Variants in CARMIL1 observed in about 807,000 individuals in gnomAD.
CARMIL1 encodes capping protein regulator and myosin 1 linker 1, also known as F-actin-uncapping protein LRRC16A.
Under a neutral mutation model 177.1 loss-of-function variants are expected in CARMIL1, and 90 were observed. That is an observed-to-expected ratio of 0.51 (90% CI 0.43 to 0.61). The LOEUF (loss-of-function observed/expected upper bound fraction) is 0.61. CARMIL1 is among the 20% of genes least tolerant of loss of function. CARMIL1 has a pLI of 0.00. For synonymous variants in CARMIL1, 577 were observed against 606.2 expected (o/e 0.95, Z 0.71); for missense variants, 1,380 against 1,667.0 (o/e 0.83, Z 3.00).
In CARMIL1 at chr6:25,545,370, C is replaced by T. The variant is rs1201148625; in HGVS notation, c.2328+5292C>T. On this transcript the variant is annotated intron_variant, in intron 26 of 36. Coordinates refer to ENST00000329474, the MANE Select transcript of CARMIL1 (RefSeq NM_017640.6). ...GGTCCGTGAATAATGACAAATGGTC[C>T]AGTTTTCCAGAAATATGTAAGAATT... Among the ~76,000 whole-genome samples the T allele has an allele frequency of 2.0e-5, 3 of 151,952 alleles. No individual in the cohort carries two copies. The East Asian group carries it at 5.8e-4, about 29-fold the overall frequency.
At position 25,515,839 on chromosome 6, in the gene CARMIL1, T is replaced by A. The variant is rs752317747; in HGVS notation, c.1797T>A (p.Thr599=). The A allele has an allele frequency of 1.9e-6, 3 of 1,601,822 alleles. No homozygotes were observed. In the South Asian group the frequency reaches 3.4e-5, roughly 18 times the overall value. ...TGGCCAAAGCACTGCAGATCAACAC[T>A]AAGCTCAGGTAGGCAGATCCCACCC... ...KMLAKALQIN[T]KLRTVIWDKN... Residue 599 remains threonine, a synonymous_variant, in exon 21 of 37, where the codon ACT becomes ACA. Coordinates refer to ENST00000329474, the MANE Select transcript of CARMIL1 (RefSeq NM_017640.6). The surrounding 1 kb of genome is among the most constrained non-coding windows in gnomAD (Gnocchi z 5.0).
Position 25,279,720 on chromosome 6 carries a change from TGAG to T in CARMIL1, c.-72_-70del, listed in dbSNP as rs1780918412. The T allele has an allele frequency of 4.9e-6, 7 of 1,414,872 alleles. No individual in the cohort carries two copies. The highest frequency in any genetic ancestry group is 7.0e-6 in the Non-Finnish European group (7 of 998,698). The allele number at this position is 1,414,872 out of a possible 1,614,324, so 87.6% of individuals were successfully genotyped here. ...GCTGCATCTGCCTCTCTAAAAAAAT[TGAG>T]GAGTTCGGGGAAGGGCAGGGGGCCA... On this transcript the variant is annotated 5_prime_UTR_variant, in exon 1 of 37. Coordinates refer to ENST00000329474, the MANE Select transcript of CARMIL1 (RefSeq NM_017640.6).
intron 25 of CARMIL1, 69 bp from the exon 26 acceptor site, chr6:25,539,878 C>A: frequency 8.2e-7 from 1 of 1,221,452 alleles, no homozygotes; most frequent in Non-Finnish European, 1.1e-6. Flanking sequence ...CCTTCTCATT[C>A]ACTCTGCAAT....
intron 35 of CARMIL1, among the ~76,000 whole-genome samples, chr6:25,608,535 A>G (rs1170929479): frequency 6.6e-6 from 1 of 152,196 alleles, no homozygotes; most frequent in Admixed American, 6.5e-5. Flanking sequence ...AATTCCCAAT[A>G]TTCTGTTGCA....
chr6:25,459,265 T>TCCTTCCTTCCTTCCTTCCTTCCTTC (rs1491294718), intron 8 of CARMIL1, among the ~76,000 whole-genome samples: 1 of 115,294 alleles, frequency 8.7e-6, no homozygotes, highest in African/African-American at 3.2e-5. Flanking sequence ...TTTCTTTCTT[T>TCCTTCCTTCCTTCCTTCCTTCCTTC]CTTTTTTTTT....
chr6:25,334,085 A>G lies in CARMIL1; in HGVS notation c.138+49176A>G, dbSNP rs58048778. On this transcript the variant is annotated intron_variant, in intron 2 of 36. Transcript: ENST00000329474. ...ATTCTTTCTTCAAAGACTCAGTTCA[A>G]CACACCCCTGGTGGCTGTTGTAGCT... Among the ~76,000 whole-genome samples the G allele has an allele frequency of 3.1e-3, 479 of 152,286 alleles. 13 individuals carry two copies. The East Asian group carries it at 0.074, about 24-fold the overall frequency.
Position 25,279,602 on chromosome 6 carries a change from T to G in CARMIL1, c.-194T>G. ...GCAGCAGCAGCAAATCCGCCTCGCA[T>G]TTGCAACTCTTTTTTTTTTTTTTGG... On this transcript the variant is annotated 5_prime_UTR_variant, in exon 1 of 37. Transcript: ENST00000329474. 1 of 605,348 alleles carries G rather than the reference T, an allele frequency of 1.7e-6. No individual in the cohort carries two copies. Among genetic ancestry groups the G allele is most frequent in the Non-Finnish European group, 2.9e-6 (1 of 340,180 alleles). 37.5% of individuals were successfully genotyped at this position (605,348 alleles called of 1,614,324 possible).
chr6:25,510,619 A>T lies in CARMIL1; in HGVS notation c.1577+13A>T. On this transcript the variant is annotated intron_variant, in intron 19 of 36. Transcript: ENST00000329474. Reference sequence around the variant, plus strand: ...ATATGAAATCCAAGTAAGAGTTTTGAATTTTTTTATATGACAATGATGAAA... The same window carrying T: ...ATATGAAATCCAAGTAAGAGTTTTGTATTTTTTTATATGACAATGATGAAA... 6.5e-7 allele frequency: 1 copy of T among 1,530,460 alleles called. No individual in the cohort carries two copies. Among genetic ancestry groups the T allele is most frequent in the Non-Finnish European group, 8.9e-7 (1 of 1,129,692 alleles). The allele number at this position is 1,530,460 out of a possible 1,614,324, so 94.8% of individuals were successfully genotyped here. A position where few individuals can be genotyped will look rare whatever the true frequency, so the allele number is the denominator to read the frequency against.
At chr6:25,328,310 G>A (rs911654553) in intron 2 of CARMIL1, among the ~76,000 whole-genome samples, 6 of 152,084 alleles carry the variant, frequency 3.9e-5, no homozygotes, top group African/African-American at 1.4e-4. Context: ...ATTTAAATTA[G>A]TTTTGTTAGC....
At position 25,600,424 on chromosome 6, in the gene CARMIL1, G is replaced by C. The variant is rs548340500; in HGVS notation, c.3230G>C (p.Arg1077Pro). ...SSGFLNLIKS[R>P]SKSERPPTIL... is the part of the protein sequence containing the mutation. Reference sequence around the variant, plus strand: ...GGCTTTCTCAATTTAATCAAATCCCGGTCCAAATCCGAGCGACCACCAACG... The same window carrying C: ...GGCTTTCTCAATTTAATCAAATCCCCGTCCAAATCCGAGCGACCACCAACG... The change falls in exon 33 of 37, where the codon CGG becomes CCG. Residue 1077 changes from arginine to proline, a missense_variant. Transcript: ENST00000329474. 6.2e-7 allele frequency: 1 copy of C among 1,613,812 alleles called. No individual in the cohort carries two copies. Among genetic ancestry groups the C allele is most frequent in the South Asian group, 1.1e-5 (1 of 91,074 alleles).
chr6:25,422,244 G>A (rs1382771508), intron 3 of CARMIL1, among the ~76,000 whole-genome samples: 7 of 152,076 alleles, frequency 4.6e-5, no homozygotes, highest in African/African-American at 9.7e-5. Flanking sequence ...TGTTTGGGCC[G>A]CAGTGTTATT....
intron 2 of CARMIL1, among the ~76,000 whole-genome samples, chr6:25,384,315 G>C (rs1233600466): frequency 6.6e-6 from 1 of 152,246 alleles, no homozygotes; most frequent in African/African-American, 2.4e-5. Context: ...GGTTTTGCCA[G>C]CGTTGATGCT....
chr6:25,491,508 A>G (rs933615909), intron 13 of CARMIL1, among the ~76,000 whole-genome samples: 1 of 152,204 alleles, frequency 6.6e-6, no homozygotes, highest in Non-Finnish European at 1.5e-5. Context: ...TTGGTTTTCA[A>G]TATTCCATTT....
chr6:25,602,691 A>G (rs1815547786), intron 33 of CARMIL1, among the ~76,000 whole-genome samples: 1 of 152,238 alleles, frequency 6.6e-6, no homozygotes, highest in Non-Finnish European at 1.5e-5. Flanking sequence ...AATTAGCTTT[A>G]GAACATTTTT....
chr6:25,390,835 C>T (rs1357525189), intron 2 of CARMIL1, among the ~76,000 whole-genome samples: 2 of 152,134 alleles, frequency 1.3e-5, no homozygotes, highest in Non-Finnish European at 2.9e-5. Context: ...GGATTACAGG[C>T]GTGAACACCA....
chr6:25,352,060 A>G (rs1172211778), intron 2 of CARMIL1, among the ~76,000 whole-genome samples: 1 of 152,044 alleles, frequency 6.6e-6, no homozygotes, highest in African/African-American at 2.4e-5. Context: ...CTGATGTTCA[A>G]TATTTATCAA....
At chr6:25,338,545 G>T (rs1308500929) in intron 2 of CARMIL1, among the ~76,000 whole-genome samples, 2 of 129,366 alleles carry the variant, frequency 1.5e-5, no homozygotes, top group Non-Finnish European at 3.4e-5. Context: ...AAAAAAGCTG[G>T]TCCTACTTTT....
intron 26 of CARMIL1, among the ~76,000 whole-genome samples, chr6:25,549,136 G>A (rs982676196): frequency 2.0e-5 from 3 of 152,160 alleles, no homozygotes; most frequent in African/African-American, 7.2e-5. Context: ...AGATGAAAAT[G>A]CAGAGATCCG....
chr6:25,609,185 G>C (rs952781576), intron 35 of CARMIL1, among the ~76,000 whole-genome samples: 1 of 151,946 alleles, frequency 6.6e-6, no homozygotes, highest in African/African-American at 2.4e-5. Context: ...GACTAGAATT[G>C]GCCAGGCGCG....
Sources: gnomAD v4.1 joint callset for allele counts (sites outside exome capture counted in the v4.1 genomes callset) on GRCh38, gnomAD v4.1.1 for gene constraint, Gnocchi (gnomAD v3.1) non-coding constraint, MANE v1.5 for transcripts, NCBI Gene and HGNC (gene_info 2026-07-23, HGNC 2026-07-21) for gene names.